NFASC: variants seen among roughly 807,000 people sequenced by gnomAD.
NFASC encodes neurofascin homolog.
In NFASC, 43 loss-of-function variants were observed where a neutral mutation model predicts 147.5. That is an observed-to-expected ratio of 0.29 (90% CI 0.23 to 0.38). The LOEUF (loss-of-function observed/expected upper bound fraction) is 0.38. Ranked by LOEUF, NFASC falls within the 10% of genes least tolerant of loss-of-function variation. NFASC has a pLI of 1.00. For missense variants in NFASC, 1,320 were observed against 1,689.0 expected (o/e 0.78, Z 3.83); for synonymous variants, 622 against 665.5 (o/e 0.93, Z 1.01).
chr1:204,839,868 T>C (rs1371197609), intron 1 of NFASC, among the ~76,000 whole-genome samples: 1 of 152,170 alleles, frequency 6.6e-6, no homozygotes, highest in Admixed American at 6.5e-5. Flanking sequence ...CAGGCCCAGG[T>C]GCAGCTCTGG....
intron 1 of NFASC, among the ~76,000 whole-genome samples, chr1:204,914,957 T>C (rs962458365): frequency 1.3e-5 from 2 of 152,208 alleles, no homozygotes; most frequent in African/African-American, 4.8e-5. Flanking sequence ...GATCTGTTTA[T>C]ACAATGGAAT....
At chr1:204,830,054 A>C (rs1053814098) in intron 1 of NFASC, among the ~76,000 whole-genome samples, 1 of 144,500 alleles carries the variant, frequency 6.9e-6, no homozygotes, top group Non-Finnish European at 1.5e-5. Flanking sequence ...TGTTGAGCAG[A>C]GATGCCTCAT....
At chr1:205,006,312 C>G (rs767436049) in intron 27 of NFASC, among the ~76,000 whole-genome samples, 2 of 152,174 alleles carry the variant, frequency 1.3e-5, no homozygotes, top group Admixed American at 6.5e-5. Context: ...AAAGAGATCC[C>G]CCGTTCTCAA....
At chr1:204,922,357 C>T (rs1181762898) in intron 2 of NFASC, among the ~76,000 whole-genome samples, 1 of 152,194 alleles carries the variant, frequency 6.6e-6, no homozygotes, top group Non-Finnish European at 1.5e-5. Flanking sequence ...GCCCTGGAGT[C>T]GTGCCCTGCC....
At position 204,838,506 on chromosome 1, in the gene NFASC, C is replaced by A. The variant is rs548109252; in HGVS notation, c.-200+9724C>A. On this transcript the variant is annotated intron_variant, in intron 1 of 29. Transcript: ENST00000339876. ...TAATGAGAAAAACCATCCATGATGC[C>A]CTGCAAGTTTTCCATTCAAAAGCCG... is the stretch of plus-strand genomic sequence containing the variant. Among the ~76,000 whole-genome samples the A allele has an allele frequency of 2.8e-4, 42 of 152,278 alleles. 1 individual carries two copies. In the South Asian group the frequency reaches 5.2e-3, roughly 19 times the overall value.
intron 1 of NFASC, among the ~76,000 whole-genome samples, chr1:204,868,355 C>A (rs1400178034): frequency 1.3e-5 from 2 of 152,170 alleles, no homozygotes; most frequent in African/African-American, 2.4e-5. Context: ...GGGGAGTAAG[C>A]CTTGGGGAAT....
At chr1:204,919,949 A>G (rs1330330461) in intron 1 of NFASC, among the ~76,000 whole-genome samples, 1 of 152,176 alleles carries the variant, frequency 6.6e-6, no homozygotes, top group African/African-American at 2.4e-5. Flanking sequence ...GTTATAACAA[A>G]TGACTAAATG....
At position 204,962,296 on chromosome 1, in the gene NFASC, G is replaced by A. The variant is rs530530876; in HGVS notation, c.706+4470G>A. ...GGTGCCAAGGTGACACCTCCAGAAG[G>A]CTGCCTGCCAGGAGGCAGTGTGGGG... is the stretch of plus-strand genomic sequence containing the variant. On this transcript the variant is annotated intron_variant, in intron 8 of 29. Coordinates refer to ENST00000339876, the MANE Select transcript of NFASC (RefSeq NM_001005388.3). 5.7e-6 allele frequency: 4 copies of A among 707,228 alleles called. No individual in the cohort carries two copies. In the East Asian group the frequency reaches 8.0e-5, roughly 14 times the overall value. 43.8% of individuals were successfully genotyped at this position (707,228 alleles called of 1,614,324 possible).
chr1:204,895,757 T>G (rs2083270359), intron 1 of NFASC, among the ~76,000 whole-genome samples: 1 of 152,250 alleles, frequency 6.6e-6, no homozygotes, highest in Non-Finnish European at 1.5e-5. Flanking sequence ...TTTTCAGTGC[T>G]GTATTTCCAA....
At position 205,015,777 on chromosome 1, in the gene NFASC, A is replaced by G. The variant is rs190909164; in HGVS notation, c.3492-531A>G. 6.2e-4 allele frequency among the ~76,000 whole-genome samples: 94 copies of G among 152,220 alleles called. No homozygotes were observed. The highest frequency in any genetic ancestry group is 2.1e-3 in the African/African-American group (87 of 41,556). Reference sequence around the variant, plus strand: ...GCGAAAGACACCAAGACAGACAAGCAGAGAGGTGAGGGAGAGGTTTGTTCC... The same window carrying G: ...GCGAAAGACACCAAGACAGACAAGCGGAGAGGTGAGGGAGAGGTTTGTTCC... On this transcript the variant is annotated intron_variant, in intron 29 of 29. Coordinates refer to ENST00000339876, the MANE Select transcript of NFASC (RefSeq NM_001005388.3). This position sits in a 1 kb window ranked among gnomAD's most constrained non-coding sequence, Gnocchi z 4.0.
At chr1:204,983,798 G>A (rs1427472405) in intron 21 of NFASC, among the ~76,000 whole-genome samples, 3 of 152,166 alleles carry the variant, frequency 2.0e-5, no homozygotes, top group Non-Finnish European at 4.4e-5. Context: ...GGGCAAATGA[G>A]TGCCCTCTGA....
rs4402177 is a variant in NFASC, at chr1:204,912,865, A to T, written c.-199-7767A>T. 2.9e-3 allele frequency among the ~76,000 whole-genome samples: 442 copies of T among 151,448 alleles called. 2 individuals carry two copies. The highest frequency in any genetic ancestry group is 0.014 in the Middle Eastern group (4 of 294). ...CTAGAGATCCTGTCTCCAAAAAAAA[A>T]AATAATTTAAAAATTAGCTAAGCGT... On this transcript the variant is annotated intron_variant, in intron 1 of 29. Coordinates refer to ENST00000339876, the MANE Select transcript of NFASC (RefSeq NM_001005388.3).
At chr1:204,839,471 G>GGAT (rs1319428487) in intron 1 of NFASC, among the ~76,000 whole-genome samples, 3 of 152,070 alleles carry the variant, frequency 2.0e-5, no homozygotes, top group African/African-American at 7.2e-5. Flanking sequence ...GCTGCGGGTG[G>GGAT]GATGCAGGGT....
chr1:204,859,527 A>G (rs755577949), intron 1 of NFASC, among the ~76,000 whole-genome samples: 8 of 152,238 alleles, frequency 5.3e-5, no homozygotes, highest in Non-Finnish European at 1.0e-4. Flanking sequence ...GTGGGTGCCC[A>G]GTAAATTATC....
intron 3 of NFASC, among the ~76,000 whole-genome samples, chr1:204,947,470 G>A (rs182499418): frequency 6.6e-6 from 1 of 152,290 alleles, no homozygotes; most frequent in East Asian, 1.9e-4. Flanking sequence ...CGAGGGCAGG[G>A]GCACTGCTTC....
chr1:204,839,226 T>C (rs1443037589), intron 1 of NFASC, among the ~76,000 whole-genome samples: 1 of 152,124 alleles, frequency 6.6e-6, no homozygotes, highest in African/African-American at 2.4e-5. Context: ...CCCTAGAAAA[T>C]GTGTGCACAT....
intron 2 of NFASC, among the ~76,000 whole-genome samples, chr1:204,933,136 T>C (rs1176034319): frequency 1.3e-5 from 2 of 152,070 alleles, no homozygotes; most frequent in Admixed American, 1.3e-4. Flanking sequence ...AATGGGATGA[T>C]ATGAAAGGGT....
chr1:204,984,101 G>A (rs766660732), intron 21 of NFASC: 20 of 1,613,998 alleles, frequency 1.2e-5, no homozygotes, highest in East Asian at 2.2e-5. Context: ...GTGGAACCGC[G>A]TCTACTCCGA....
intron 1 of NFASC, among the ~76,000 whole-genome samples, chr1:204,851,564 C>T (rs1385733489): frequency 6.6e-6 from 1 of 151,946 alleles, no homozygotes; most frequent in Non-Finnish European, 1.5e-5. Flanking sequence ...AACTCCTGAC[C>T]TCAAGTGATC....
Sources: gnomAD v4.1 joint callset for allele counts (sites outside exome capture counted in the v4.1 genomes callset) on GRCh38, gnomAD v4.1.1 for gene constraint, Gnocchi (gnomAD v3.1) non-coding constraint, MANE v1.5 for transcripts, NCBI Gene and HGNC (gene_info 2026-07-23, HGNC 2026-07-21) for gene names.